RAP1GAP: variants seen among roughly 807,000 people sequenced by gnomAD.
The protein encoded by RAP1GAP is RAP1 GTPase activating protein, also known as rap1 GTPase-activating protein 1.
In RAP1GAP, 35 loss-of-function variants were observed where a neutral mutation model predicts 87.2. That is an observed-to-expected ratio of 0.40 (90% CI 0.31 to 0.53). RAP1GAP has a LOEUF of 0.53. Among genes scored for constraint, RAP1GAP ranks in the 20% least tolerant of loss-of-function variants. The probability of loss-of-function intolerance (pLI) is 0.48; values close to 1 mark genes in which losing one functional copy is unlikely to be tolerated. For missense variants in RAP1GAP, 734 were observed against 898.9 expected (o/e 0.82, Z 2.35); for synonymous variants, 375 against 363.9 (o/e 1.03, Z -0.35).
chr1:21,664,549 C>T (rs2097275025), intron 1 of RAP1GAP, among the ~76,000 whole-genome samples: 2 of 152,208 alleles, frequency 1.3e-5, no homozygotes, highest in Admixed American at 1.3e-4. Flanking sequence ...GGAGCGCCTC[C>T]ACTTCTCCTC....
chr1:21,619,620 T>C (rs2085304746), intron 4 of RAP1GAP, among the ~76,000 whole-genome samples: 1 of 151,996 alleles, frequency 6.6e-6, no homozygotes. Context: ...CTCCCACTCC[T>C]GCAGCACAGT....
chr1:21,609,718 T>A lies in RAP1GAP; in HGVS notation c.1000-72A>T. On this transcript the variant is annotated intron_variant, in intron 14 of 24. Transcript: ENST00000374765. This position sits in a 1 kb window ranked among gnomAD's most constrained non-coding sequence, Gnocchi z 4.4. ...TCTGCCCCACCCAGCCAGAAACCCC[T>A]ACTGTGCCTCCCTGGACTGCCCCTT... 8.4e-7 allele frequency: 1 copy of A among 1,195,992 alleles called. No homozygotes were observed. The highest frequency in any genetic ancestry group is 1.2e-6 in the Non-Finnish European group (1 of 864,920). The allele number at this position is 1,195,992 out of a possible 1,614,324, so 74.1% of individuals were successfully genotyped here.
Position 21,612,121 on chromosome 1 carries a change from G to A in RAP1GAP, c.529-12C>T, listed in dbSNP as rs1241143590. ...ATGAGCCGGGAAGCCTGCAGGAGAG[G>A]ACGCCGGGTGAAGAGGCTGCGTGTG... On this transcript the variant is annotated splice_polypyrimidine_tract_variant and intron_variant, in intron 10 of 24. Coordinates refer to ENST00000374765, the MANE Select transcript of RAP1GAP (RefSeq NM_002885.4). The A allele has an allele frequency of 6.5e-7, 1 of 1,540,332 alleles. No homozygotes were observed. Among genetic ancestry groups the A allele is most frequent in the Non-Finnish European group, 8.8e-7 (1 of 1,136,670 alleles).
chr1:21,644,433 T>C (rs1023824318), intron 2 of RAP1GAP, among the ~76,000 whole-genome samples: 10 of 152,284 alleles, frequency 6.6e-5, no homozygotes, highest in Admixed American at 6.5e-4. Flanking sequence ...ACTTAACCTC[T>C]CTTTGCCTCA....
intron 2 of RAP1GAP, among the ~76,000 whole-genome samples, chr1:21,643,660 G>T (rs576382921): frequency 1.3e-5 from 2 of 151,916 alleles, no homozygotes. Context: ...TATCACTAGA[G>T]AATCTCTCTT....
intron 2 of RAP1GAP, among the ~76,000 whole-genome samples, 184 bp from the exon 3 acceptor site, chr1:21,626,581 C>T (rs913039906): frequency 2.6e-5 from 4 of 152,134 alleles, no homozygotes; most frequent in African/African-American, 4.8e-5. Flanking sequence ...ACAGGCTTCT[C>T]CTTCCCCGGA....
At chr1:21,621,792 A>C (rs560649781) in intron 3 of RAP1GAP, among the ~76,000 whole-genome samples, 3 of 151,964 alleles carry the variant, frequency 2.0e-5, no homozygotes, top group Non-Finnish European at 4.4e-5. Context: ...CACCCCACTC[A>C]GGGTGACCAA....
At position 21,623,495 on chromosome 1, in the gene RAP1GAP, G is replaced by A. The variant is rs953549383; in HGVS notation, c.-19+2809C>T. 2.6e-5 allele frequency among the ~76,000 whole-genome samples: 4 copies of A among 152,306 alleles called. 1 individual carries two copies. In the South Asian group the frequency reaches 6.2e-4, roughly 24 times the overall value. On this transcript the variant is annotated intron_variant, in intron 3 of 24. Transcript: ENST00000374765. ...CAGACACAGCTGCTTTGGATGTTGC[G>A]GGGGCAGGGCTGCCCACCAGCTCAG...
chr1:21,610,778 T>C (rs1344347306), intron 13 of RAP1GAP, among the ~76,000 whole-genome samples: 2 of 152,194 alleles, frequency 1.3e-5, no homozygotes, highest in Non-Finnish European at 2.9e-5. Context: ...CAAGCTCAAC[T>C]TGGTATACAT....
chr1:21,621,934 C>T (rs1246647758), intron 3 of RAP1GAP, among the ~76,000 whole-genome samples: 1 of 152,250 alleles, frequency 6.6e-6, no homozygotes, highest in Non-Finnish European at 1.5e-5. Flanking sequence ...TCAGAGGGAG[C>T]AGCAGACGCC....
At chr1:21,598,139 G>A (rs973769644) in intron 22 of RAP1GAP, 75 bp from the exon 23 acceptor site, 9 of 1,005,298 alleles carry the variant, frequency 9.0e-6, no homozygotes, top group Admixed American at 2.7e-5. Flanking sequence ...ATAGGTGGGC[G>A]GTCGGCACCA....
rs532880895 is a variant in RAP1GAP at position 21,599,480 on chromosome 1, C to G, written c.1776+14G>C. The stretch of plus-strand genomic sequence containing the variant: ...AAGCTCCTGTGGGGCCCCTGACCCC[C>G]CTGAGCCTCTCACCAGGCCTGTGTC... On this transcript the variant is annotated intron_variant, in intron 21 of 24. Coordinates refer to ENST00000374765, the MANE Select transcript of RAP1GAP (RefSeq NM_002885.4). 1.9e-6 allele frequency: 3 copies of G among 1,605,996 alleles called. No homozygotes were observed. Among genetic ancestry groups the G allele is most frequent in the South Asian group, 1.1e-5 (1 of 90,860 alleles).
intron 2 of RAP1GAP, among the ~76,000 whole-genome samples, chr1:21,649,461 T>C (rs1016449357): frequency 2.6e-5 from 4 of 152,182 alleles, no homozygotes; most frequent in African/African-American, 7.2e-5. Context: ...ACCCTATGAA[T>C]AGGCATTTTA....
chr1:21,652,858 T>C (rs541736706), intron 1 of RAP1GAP, among the ~76,000 whole-genome samples: 1 of 151,860 alleles, frequency 6.6e-6, no homozygotes, highest in East Asian at 1.9e-4. Context: ...CTTCCCCCCA[T>C]AGAGGGAGAG....
chr1:21,654,868 C>A (rs4654763), intron 1 of RAP1GAP, among the ~76,000 whole-genome samples: 6 of 151,696 alleles, frequency 4.0e-5, no homozygotes, highest in African/African-American at 1.5e-4. Context: ...AGGCTAGGCA[C>A]GGTGGCTCAC....
Position 21,618,890 on chromosome 1 carries a change from T to G in RAP1GAP, c.66+135A>C, listed in dbSNP as rs2275357. The stretch of plus-strand genomic sequence containing the variant: ...CTGCTAGAAGCTGTGCCTCCCCCCC[T>G]ACCCCCGCACCTGGCACACTGTAAG... On this transcript the variant is annotated intron_variant, in intron 5 of 24. Transcript: ENST00000374765. 846 of 996,558 alleles carry G rather than the reference T, an allele frequency of 8.5e-4. 19 individuals carry two copies. The East Asian group carries it at 0.022, about 26-fold the overall frequency. 61.7% of individuals were successfully genotyped at this position (996,558 alleles called of 1,614,324 possible).
rs758929648 is a variant in RAP1GAP, at chr1:21,606,200, G to A, written c.1297-3C>T. ...TGGCTGCGGCTCCGGATGACCCGCTGTGAAGGGGGTGGCAGTGGAGGAGGC... is the reference window on the plus strand; with the variant it reads ...TGGCTGCGGCTCCGGATGACCCGCTATGAAGGGGGTGGCAGTGGAGGAGGC... On this transcript the variant is annotated splice_polypyrimidine_tract_variant and splice_region_variant and intron_variant, in intron 17 of 24. Coordinates refer to ENST00000374765, the MANE Select transcript of RAP1GAP (RefSeq NM_002885.4). 3.4e-5 allele frequency: 54 copies of A among 1,576,130 alleles called. 1 individual carries two copies. The highest frequency in any genetic ancestry group is 4.2e-5 in the Non-Finnish European group (49 of 1,162,578).
intron 2 of RAP1GAP, among the ~76,000 whole-genome samples, chr1:21,628,247 G>A (rs896782459): frequency 6.6e-6 from 1 of 151,908 alleles, no homozygotes; most frequent in Non-Finnish European, 1.5e-5. Context: ...ACTAAAGAGA[G>A]GTCCATAGAA....
chr1:21,666,510 G>A (rs1221278781), intron 1 of RAP1GAP, among the ~76,000 whole-genome samples: 1 of 152,228 alleles, frequency 6.6e-6, no homozygotes, highest in African/African-American at 2.4e-5. Flanking sequence ...GTACACAGAG[G>A]GGAGGCAGGA....
Sources: gnomAD v4.1 joint callset for allele counts (sites outside exome capture counted in the v4.1 genomes callset) on GRCh38, gnomAD v4.1.1 for gene constraint, Gnocchi (gnomAD v3.1) non-coding constraint, MANE v1.5 for transcripts, NCBI Gene and HGNC (gene_info 2026-07-23, HGNC 2026-07-21) for gene names.